JAZF1: variants seen among roughly 807,000 people sequenced by gnomAD.
JAZF1 encodes JAZF zinc finger 1.
JAZF1 carries 8 observed loss-of-function variants against 26.4 expected under a neutral mutation model. That is an observed-to-expected ratio of 0.30 (90% CI 0.18 to 0.55). The LOEUF (loss-of-function observed/expected upper bound fraction) is 0.55. JAZF1 is among the 20% of genes least tolerant of loss of function. The probability of loss-of-function intolerance (pLI) is 0.94; values close to 1 mark genes in which losing one functional copy is unlikely to be tolerated. For synonymous variants in JAZF1, 126 were observed against 122.3 expected (o/e 1.03, Z -0.20); for missense variants, 199 against 322.0 (o/e 0.62, Z 2.92).
At chr7:27,851,826 C>T (rs1046274750) in intron 3 of JAZF1, among the ~76,000 whole-genome samples, 2 of 152,146 alleles carry the variant, frequency 1.3e-5, no homozygotes, top group Non-Finnish European at 2.9e-5. Context: ...CTTTGACCTT[C>T]CTGGGTCACA....
chr7:27,883,754 C>G (rs1198788578), intron 3 of JAZF1, among the ~76,000 whole-genome samples: 1 of 152,214 alleles, frequency 6.6e-6, no homozygotes, highest in Non-Finnish European at 1.5e-5. Flanking sequence ...CACTTTCAGT[C>G]ATTAACCAAT....
chr7:27,835,237 T>A (rs1334794877), intron 4 of JAZF1, among the ~76,000 whole-genome samples: 1 of 152,174 alleles, frequency 6.6e-6, no homozygotes, highest in Admixed American at 6.5e-5. Flanking sequence ...CAGCAACTCT[T>A]AACAGTATCA....
At chr7:28,000,263 G>C (rs1372021375) in intron 1 of JAZF1, among the ~76,000 whole-genome samples, 1 of 152,058 alleles carries the variant, frequency 6.6e-6, no homozygotes, top group African/African-American at 2.4e-5. Context: ...TGGGATATTT[G>C]GCAAAGTCTG....
intron 2 of JAZF1, among the ~76,000 whole-genome samples, chr7:27,939,995 A>T (rs767283709): frequency 5.9e-5 from 9 of 152,090 alleles, no homozygotes; most frequent in Non-Finnish European, 8.8e-5. Context: ...GGTTCTGAGG[A>T]CTGAGGCAGG....
Position 27,830,747 on chromosome 7 carries a change from C to G in JAZF1, c.*2053G>C. 5.1e-6 allele frequency: 1 copy of G among 197,920 alleles called. No homozygotes were observed. The highest frequency in any genetic ancestry group is 7.9e-5 in the East Asian group (1 of 12,624). 12.3% of individuals were successfully genotyped at this position (197,920 alleles called of 1,614,324 possible). A position where few individuals can be genotyped will look rare whatever the true frequency, so the allele number is the denominator to read the frequency against. ...AAACATATGAAAATATAATTTAAAGCACAGTTTTCACAGACACAGTACAAT... is the reference window on the plus strand; with the variant it reads ...AAACATATGAAAATATAATTTAAAGGACAGTTTTCACAGACACAGTACAAT... On this transcript the variant is annotated 3_prime_UTR_variant, in exon 5 of 5. Transcript: ENST00000283928.
intron 1 of JAZF1, among the ~76,000 whole-genome samples, chr7:27,999,940 C>T (rs749070293): frequency 5.3e-5 from 8 of 152,178 alleles, no homozygotes; most frequent in Non-Finnish European, 8.8e-5. Flanking sequence ...AAATGATGTA[C>T]AATTCACAAT....
intron 2 of JAZF1, among the ~76,000 whole-genome samples, chr7:27,930,833 TA>T (rs67053281): frequency 7.0e-4 from 105 of 151,006 alleles, no homozygotes; most frequent in African/African-American, 2.2e-3. Flanking sequence ...CCATTTTTTT[TA>T]AAAAAAAAAG....
rs577663736 is a variant in JAZF1 at position 27,842,814 on chromosome 7, A to C, written c.386-1947T>G. Reference sequence around the variant, plus strand: ...AAGCTCCTCCAGCGGGACTTCAGAAAGTTAGAAAGACTAATTTATCCATCT... The same window carrying C: ...AAGCTCCTCCAGCGGGACTTCAGAACGTTAGAAAGACTAATTTATCCATCT... On this transcript the variant is annotated intron_variant, in intron 3 of 4. Transcript: ENST00000283928. 5.3e-5 allele frequency: 8 copies of C among 152,358 alleles called. No homozygotes were observed. The East Asian group carries it at 1.5e-3, about 29-fold the overall frequency. 9.4% of individuals were successfully genotyped at this position (152,358 alleles called of 1,614,324 possible).
At chr7:27,873,432 T>C (rs1487154148) in intron 3 of JAZF1, among the ~76,000 whole-genome samples, 2 of 152,196 alleles carry the variant, frequency 1.3e-5, no homozygotes, top group African/African-American at 4.8e-5. Flanking sequence ...TATCTATGCA[T>C]ATGCTTCCCG....
intron 1 of JAZF1, among the ~76,000 whole-genome samples, chr7:28,127,682 A>C (rs1782719202): frequency 1.3e-5 from 2 of 152,192 alleles, no homozygotes; most frequent in Non-Finnish European, 2.9e-5. Flanking sequence ...GGTAATTTGT[A>C]AAGGAAAGAG....
chr7:27,942,621 T>A (rs374234473), intron 2 of JAZF1, among the ~76,000 whole-genome samples: 5 of 152,138 alleles, frequency 3.3e-5, no homozygotes, highest in East Asian at 3.8e-4. Flanking sequence ...CCACAACTTG[T>A]AAGTTTCAGA....
intron 3 of JAZF1, among the ~76,000 whole-genome samples, chr7:27,853,131 G>A (rs1375233221): frequency 5.3e-5 from 8 of 152,082 alleles, no homozygotes; most frequent in Non-Finnish European, 8.8e-5. Context: ...CTGGTTTTTG[G>A]TGTCAGTTTT....
intron 3 of JAZF1, among the ~76,000 whole-genome samples, chr7:27,852,018 C>T (rs1296832264): frequency 2.0e-5 from 3 of 151,832 alleles, no homozygotes; most frequent in African/African-American, 7.3e-5. Flanking sequence ...TGGACCCACA[C>T]TGATGCTTGG....
chr7:28,173,575 G>T (rs1293067725), intron 1 of JAZF1, among the ~76,000 whole-genome samples: 1 of 151,996 alleles, frequency 6.6e-6, no homozygotes, highest in Admixed American at 6.6e-5. Context: ...AAGAAATGGT[G>T]AATTTTTCAG....
At chr7:28,013,537 T>C (rs1782834031) in intron 1 of JAZF1, among the ~76,000 whole-genome samples, 1 of 152,102 alleles carries the variant, frequency 6.6e-6, no homozygotes, top group Non-Finnish European at 1.5e-5. Context: ...AGAATTTCCA[T>C]TTTTTACAAG....
chr7:28,099,925 C>T (rs1228956631), intron 1 of JAZF1, among the ~76,000 whole-genome samples: 1 of 152,182 alleles, frequency 6.6e-6, no homozygotes, highest in Non-Finnish European at 1.5e-5. Flanking sequence ...ACACTGGAAA[C>T]AGCCAAGAGA....
chr7:27,846,364 T>C, intron 3 of JAZF1: 1 of 337,328 alleles, frequency 3.0e-6, no homozygotes, highest in South Asian at 2.3e-5. Flanking sequence ...TACGTGTACA[T>C]ATGTATACGT....
chr7:27,989,731 GA>G (rs1383653307), intron 2 of JAZF1, among the ~76,000 whole-genome samples: 1 of 152,186 alleles, frequency 6.6e-6, no homozygotes, highest in African/African-American at 2.4e-5. Flanking sequence ...AAACCACAAT[GA>G]GGTACCATCT....
At chr7:28,164,578 A>C (rs1783338194) in intron 1 of JAZF1, among the ~76,000 whole-genome samples, 1 of 152,252 alleles carries the variant, frequency 6.6e-6, no homozygotes, top group Non-Finnish European at 1.5e-5. Context: ...GCAGATGTGA[A>C]AGAAAAAAAC....
Sources: gnomAD v4.1 joint callset for allele counts (sites outside exome capture counted in the v4.1 genomes callset) on GRCh38, gnomAD v4.1.1 for gene constraint, MANE v1.5 for transcripts, NCBI Gene and HGNC (gene_info 2026-07-23, HGNC 2026-07-21) for gene names.